The following SEM1 variants were observed in gnomAD, a reference collection of about 807,000 sequenced individuals.
SEM1 encodes the protein SEM1 26S proteasome subunit, also known as 26S proteasome complex subunit SEM1.
In SEM1, 3 loss-of-function variants were observed where a neutral mutation model predicts 12.7. The ratio of observed to expected loss-of-function variants is 0.24; its 90% CI spans 0.11 to 0.61. The LOEUF is 0.61. SEM1 is among the 20% of genes least tolerant of loss of function. The probability of loss-of-function intolerance (pLI) is 0.88; values close to 1 mark genes in which losing one functional copy is unlikely to be tolerated. For synonymous variants in SEM1, 30 were observed against 27.8 expected (o/e 1.08, Z -0.25); for missense variants, 59 against 81.3 (o/e 0.73, Z 1.06).
intron 2 of SEM1, among the ~76,000 whole-genome samples, chr7:96,485,498 A>G (rs1802714540): frequency 7.0e-6 from 1 of 143,844 alleles, no homozygotes; most frequent in East Asian, 2.0e-4. Flanking sequence ...CTTTGGGCCC[A>G]CCTAAATAAC....
At chr7:96,494,252 G>T (rs1215287197) in intron 1 of SEM1, among the ~76,000 whole-genome samples, 1 of 152,108 alleles carries the variant, frequency 6.6e-6, no homozygotes, top group Non-Finnish European at 1.5e-5. Flanking sequence ...AGGTGAGTCT[G>T]TTTCTTATTT....
intron 1 of SEM1, among the ~76,000 whole-genome samples, chr7:96,490,051 A>C (rs1435885350): frequency 6.6e-6 from 1 of 152,112 alleles, no homozygotes; most frequent in Admixed American, 6.6e-5. Flanking sequence ...ACTTGACTAT[A>C]AGATCCCTGA....
chr7:96,681,577 G>A (rs747265355), intron 2 of SEM1, among the ~76,000 whole-genome samples: 2 of 152,092 alleles, frequency 1.3e-5, no homozygotes, highest in Admixed American at 6.6e-5. Context: ...TGTAAGGAAG[G>A]GATCCAGTTT....
At chr7:96,687,771 C>G (rs1003500410), downstream of SEM1, among the ~76,000 whole-genome samples, 9 of 151,896 alleles carry the variant, frequency 5.9e-5, no homozygotes, top group South Asian at 1.9e-3. Context: ...TACCCTAAAA[C>G]TTAAAGTATA....
In SEM1 at chr7:96,688,831, A is replaced by C; in HGVS notation, c.*93T>G. On this transcript the variant is annotated 3_prime_UTR_variant, in exon 3 of 3. Transcript: ENST00000248566. ...AATAAATCCAAGCAGATAATGAAAT[A>C]AACACATTTTTTTAGTGTCCCATCC... 5 of 735,284 alleles carry C rather than the reference A, an allele frequency of 6.8e-6. No homozygotes were observed. The South Asian group carries it at 8.3e-5, about 12-fold the overall frequency. The allele number at this position is 735,284 out of a possible 1,614,324, so 45.5% of individuals were successfully genotyped here. A position where few individuals can be genotyped will look rare whatever the true frequency, so the allele number is the denominator to read the frequency against.
At chr7:96,691,994 C>A (rs532491570) in intron 2 of SEM1, among the ~76,000 whole-genome samples, 7 of 152,088 alleles carry the variant, frequency 4.6e-5, no homozygotes, top group Non-Finnish European at 7.4e-5. Context: ...GATTTATATA[C>A]CTCAGGCAAA....
Position 96,709,734 on chromosome 7 carries a change from TAA to T in SEM1, c.28_29del (p.Leu10ArgfsTer10). 1 of 1,613,946 alleles carries T rather than the reference TAA, an allele frequency of 6.2e-7. No homozygotes were observed. The highest frequency in any genetic ancestry group is 8.5e-7 in the Non-Finnish European group (1 of 1,179,932). ...ACTCGTCGTCTTCCTCTAACAGACC[TAA>T]GTCTACCGGCTGCTTTTTCTCTGAC... is the stretch of plus-strand genomic sequence containing the variant. MSEKKQPVD[L>X]GLLEEDDEFE... On this transcript the variant is annotated frameshift_variant, in exon 1 of 3. Coordinates refer to ENST00000248566, the MANE Select transcript of SEM1 (RefSeq NM_006304.2). LOFTEE classifies it high-confidence loss of function.
chr7:96,546,501 T>C (rs1805107242), intron 2 of SEM1, among the ~76,000 whole-genome samples: 1 of 152,098 alleles, frequency 6.6e-6, no homozygotes, highest in African/African-American at 2.4e-5. Flanking sequence ...AGTACCTACC[T>C]CTTATGTGTT....
At chr7:96,555,843 C>A (rs1239447595) in intron 2 of SEM1, among the ~76,000 whole-genome samples, 2 of 149,768 alleles carry the variant, frequency 1.3e-5, no homozygotes, top group East Asian at 4.0e-4. Flanking sequence ...TTGTAGGTCA[C>A]TCAGGACTTG....
intron 2 of SEM1, among the ~76,000 whole-genome samples, chr7:96,602,957 A>G (rs1807238080): frequency 6.6e-6 from 1 of 152,196 alleles, no homozygotes; most frequent in Non-Finnish European, 1.5e-5. Flanking sequence ...AGGATAAAGT[A>G]CTCAGCTAAA....
At chr7:96,680,942 G>C (rs2115699689) in intron 2 of SEM1, among the ~76,000 whole-genome samples, 1 of 152,176 alleles carries the variant, frequency 6.6e-6, no homozygotes, top group South Asian at 2.1e-4. Flanking sequence ...GCAATTTTTA[G>C]GAGGTCGTGT....
chr7:96,486,364 C>G (rs777680343), exon 2 of SEM1: 17 of 1,537,050 alleles, frequency 1.1e-5, no homozygotes, highest in Non-Finnish European at 1.5e-5. Context: ...TTATGCCATG[C>G]TTTCTTCCCA....
intron 2 of SEM1, among the ~76,000 whole-genome samples, chr7:96,511,675 C>T (rs750986155): frequency 2.6e-5 from 4 of 151,988 alleles, no homozygotes; most frequent in Non-Finnish European, 5.9e-5. Context: ...CCAGAGGATA[C>T]CCAGGTTCTT....
At chr7:96,610,374 C>T (rs1210686307) in intron 2 of SEM1, among the ~76,000 whole-genome samples, 1 of 152,018 alleles carries the variant, frequency 6.6e-6, no homozygotes, top group Non-Finnish European at 1.5e-5. Context: ...GCTGGGATTA[C>T]AGGTGTGAGC....
In SEM1 at chr7:96,704,876, A is replaced by G. The variant is rs569939719; in HGVS notation, c.76+4812T>C. Among the ~76,000 whole-genome samples, 6 of 152,340 alleles carry G rather than the reference A, an allele frequency of 3.9e-5. No homozygotes were observed. In the East Asian group the frequency reaches 1.2e-3, roughly 29 times the overall value. On this transcript the variant is annotated intron_variant, in intron 1 of 2. Transcript: ENST00000248566. ...AGTCCTGTTGGTATATGCTGTTCAC[A>G]TAAATATTTCTCAATAGCATTTTTC...
chr7:96,593,498 A>G (rs1806898183), intron 2 of SEM1, among the ~76,000 whole-genome samples: 1 of 152,302 alleles, frequency 6.6e-6, no homozygotes, highest in East Asian at 1.9e-4. Context: ...TTCCCCAATC[A>G]GATGAAATTT....
At chr7:96,526,010 G>A (rs546930064) in intron 2 of SEM1, among the ~76,000 whole-genome samples, 6 of 152,164 alleles carry the variant, frequency 3.9e-5, no homozygotes, top group South Asian at 2.1e-4. Context: ...TATTCACAGG[G>A]TTGCACAACC....
At position 96,495,775 on chromosome 7, in the gene SEM1, C is replaced by T. The variant is rs557645880; in HGVS notation, c.12+509G>A. Among the ~76,000 whole-genome samples the T allele has an allele frequency of 3.3e-5, 5 of 152,252 alleles. No homozygotes were observed. In the South Asian group the frequency reaches 8.3e-4, roughly 25 times the overall value. On this transcript the variant is annotated intron_variant, in intron 1 of 3. Transcript: ENST00000356686. Reference sequence around the variant, plus strand: ...TAAAGAAAACACAAAACATACCCCTCGTGGCTGGTATTGGTGAAATTACTT... The same window carrying T: ...TAAAGAAAACACAAAACATACCCCTTGTGGCTGGTATTGGTGAAATTACTT...
downstream of SEM1, among the ~76,000 whole-genome samples, chr7:96,687,083 G>A (rs1789781292): frequency 1.3e-5 from 2 of 152,184 alleles, no homozygotes; most frequent in African/African-American, 4.8e-5. Flanking sequence ...AAACCACAAT[G>A]AGATACCATC....
Sources: allele counts gnomAD v4.1 joint callset (sites outside exome capture counted in the v4.1 genomes callset), GRCh38; gene constraint gnomAD v4.1.1; transcripts MANE v1.5; gene names NCBI Gene and HGNC (gene_info 2026-07-23, HGNC 2026-07-21).